LGR5: variants seen among roughly 807,000 people sequenced by gnomAD.
The protein encoded by LGR5 is leucine-rich repeat-containing G protein-coupled receptor 5.
A neutral mutation model predicts 76.7 loss-of-function variants in LGR5; 54 were observed. The ratio of observed to expected loss-of-function variants is 0.70; its 90% CI spans 0.57 to 0.88. The LOEUF is 0.88. Among genes scored for constraint, LGR5 ranks in the 40% least tolerant of loss-of-function variants. LGR5 has a pLI of 0.00. For synonymous variants in LGR5, 406 were observed against 421.9 expected, an observed-to-expected ratio of 0.96 and a Z score of 0.46; for missense variants, 1,078 against 1,073.3, an observed-to-expected ratio of 1.00 and a Z score of -0.06.
intron 4 of LGR5, among the ~76,000 whole-genome samples, chr12:71,547,792 AG>A (rs1877260389): frequency 2.6e-5 from 4 of 152,136 alleles, no homozygotes; most frequent in Non-Finnish European, 5.9e-5. Context: ...TTTTTAGTAG[AG>A]ACAGGGTTTC....
At chr12:71,496,323 A>G (rs1874314818) in intron 1 of LGR5, among the ~76,000 whole-genome samples, 1 of 148,550 alleles carries the variant, frequency 6.7e-6, no homozygotes. Context: ...GTGAGCTGAG[A>G]TCACACTGCA....
chr12:71,572,744 G>A, intron 12 of LGR5, 106 bp from the exon 13 acceptor site: 2 of 759,910 alleles, frequency 2.6e-6, no homozygotes, highest in Non-Finnish European at 4.5e-6. Context: ...CACTTCATGT[G>A]TTCCTTTGAT....
intron 11 of LGR5, chr12:71,567,187 C>A: frequency 2.4e-6 from 1 of 412,786 alleles, no homozygotes; most frequent in Non-Finnish European, 4.5e-6. Flanking sequence ...TATGAAGAGG[C>A]CAAAATCACT....
At chr12:71,551,997 T>C (rs989866768) in intron 4 of LGR5, among the ~76,000 whole-genome samples, 2 of 152,054 alleles carry the variant, frequency 1.3e-5, no homozygotes, top group African/African-American at 4.8e-5. Flanking sequence ...CCCTGAGGCA[T>C]GTCTCTAACA....
intron 2 of LGR5, among the ~76,000 whole-genome samples, chr12:71,510,593 CCATT>C (rs1555170739): frequency 6.6e-6 from 1 of 152,044 alleles, no homozygotes; most frequent in South Asian, 2.1e-4. Context: ...TGTGTTTGTT[CCATT>C]CATTCATTCA....
intron 13 of LGR5, among the ~76,000 whole-genome samples, chr12:71,573,248 A>T (rs1334465547): frequency 6.6e-6 from 1 of 152,224 alleles, no homozygotes; most frequent in Admixed American, 6.5e-5. Context: ...GGATGATCAC[A>T]TAATTCTATC....
In LGR5 at chr12:71,581,733, G is replaced by A. The variant is rs79262561; in HGVS notation, c.1553-723G>A. 3.4e-3 allele frequency among the ~76,000 whole-genome samples: 524 copies of A among 152,264 alleles called. 3 individuals carry two copies. Among genetic ancestry groups the A allele is most frequent in the African/African-American group, 0.012 (492 of 41,542 alleles). Reference sequence around the variant, plus strand: ...AAAAAGTTATTAGAGAGCCTACTTTGTGCCAGGCACTGTTCTAGGCCTTGA... The same window carrying A: ...AAAAAGTTATTAGAGAGCCTACTTTATGCCAGGCACTGTTCTAGGCCTTGA... On this transcript the variant is annotated intron_variant, in intron 16 of 17. Coordinates refer to ENST00000266674, the MANE Select transcript of LGR5 (RefSeq NM_003667.4).
chr12:71,529,471 T>A (rs942454246), intron 3 of LGR5, among the ~76,000 whole-genome samples: 1 of 152,010 alleles, frequency 6.6e-6, no homozygotes, highest in Non-Finnish European at 1.5e-5. Context: ...TCCCACCAGG[T>A]CCCTCCCCCG....
chr12:71,524,604 G>A, intron 3 of LGR5, 127 bp downstream of exon 3: 1 of 590,780 alleles, frequency 1.7e-6, no homozygotes, highest in Admixed American at 3.2e-5. Context: ...CTAAATTCAA[G>A]TTTACTTCAT....
chr12:71,458,189 T>C, intron 1 of LGR5, among the ~76,000 whole-genome samples: 1 of 152,174 alleles, frequency 6.6e-6, no homozygotes, highest in East Asian at 1.9e-4. Flanking sequence ...TTGTAGTAGA[T>C]ATGGTATCTG....
At chr12:71,568,663 A>G (rs1338798199) in intron 11 of LGR5, among the ~76,000 whole-genome samples, 1 of 152,236 alleles carries the variant, frequency 6.6e-6, no homozygotes. Flanking sequence ...GAAAGATACC[A>G]ATGCTTAGCT....
intron 2 of LGR5, among the ~76,000 whole-genome samples, chr12:71,506,776 G>T (rs1300388613): frequency 6.6e-6 from 1 of 152,092 alleles, no homozygotes; most frequent in Admixed American, 6.6e-5. Context: ...ATGTCTTAAA[G>T]ACATCATTAT....
At chr12:71,562,113 T>G (rs1279276760) in intron 8 of LGR5, among the ~76,000 whole-genome samples, 1 of 152,212 alleles carries the variant, frequency 6.6e-6, no homozygotes, top group Admixed American at 6.5e-5. Context: ...AAAATGCTTT[T>G]GATTACCTCT....
In LGR5 at chr12:71,478,324, G is replaced by A. The variant is rs1229982314; in HGVS notation, c.213-26290G>A. Among the ~76,000 whole-genome samples, 6 of 152,276 alleles carry A rather than the reference G, an allele frequency of 3.9e-5. No individual in the cohort carries two copies. In the East Asian group the frequency reaches 1.2e-3, roughly 29 times the overall value. On this transcript the variant is annotated intron_variant, in intron 1 of 17. Transcript: ENST00000266674. ...TGGCAGACGTTAAGGAAAGACAGAT[G>A]ACCAACTTTATGCTTTTGGAAGGCA...
At chr12:71,545,332 C>G (rs939888056) in intron 4 of LGR5, among the ~76,000 whole-genome samples, 1 of 152,032 alleles carries the variant, frequency 6.6e-6, no homozygotes, top group Non-Finnish European at 1.5e-5. Flanking sequence ...CCTGTGGTCC[C>G]AGCTGCTCTG....
intron 5 of LGR5, among the ~76,000 whole-genome samples, chr12:71,553,794 A>G (rs1238695216): frequency 6.6e-6 from 1 of 152,192 alleles, no homozygotes; most frequent in Non-Finnish European, 1.5e-5. Flanking sequence ...GAATTGCAAT[A>G]AAGAGTAACA....
chr12:71,531,870 C>A (rs1038124785), intron 3 of LGR5, among the ~76,000 whole-genome samples: 13 of 152,022 alleles, frequency 8.6e-5, no homozygotes, highest in East Asian at 7.7e-4. Context: ...CCTGTCCCCC[C>A]TCCAAAAAAA....
intron 1 of LGR5, 104 bp from the exon 2 acceptor site, chr12:71,504,510 T>G: frequency 1.2e-6 from 1 of 861,912 alleles, no homozygotes; most frequent in Non-Finnish European, 2.0e-6. Context: ...AGCAGGGGAA[T>G]GAGTTCATTT....
intron 2 of LGR5, among the ~76,000 whole-genome samples, chr12:71,509,475 C>T (rs967296296): frequency 3.9e-5 from 6 of 152,078 alleles, no homozygotes; most frequent in African/African-American, 4.8e-5. Context: ...TTTAATAACC[C>T]GAGAAATCAT....
Sources: gnomAD v4.1 joint callset for allele counts (sites outside exome capture counted in the v4.1 genomes callset) on GRCh38, gnomAD v4.1.1 for gene constraint, MANE v1.5 for transcripts, NCBI Gene and HGNC (gene_info 2026-07-23, HGNC 2026-07-21) for gene names.